Variants in FBXO15 observed in about 807,000 individuals in gnomAD.
FBXO15 encodes the protein F-box only protein 15.
A neutral mutation model predicts 49.5 loss-of-function variants in FBXO15; 30 were observed. The ratio of observed to expected loss-of-function variants is 0.61; its 90% confidence interval spans 0.45 to 0.82. FBXO15 has a LOEUF of 0.82. FBXO15 is among the 40% of genes least tolerant of loss of function. The pLI is 0.00. For missense variants in FBXO15, 591 were observed against 631.5 expected (o/e 0.94, Z 0.69); for synonymous variants, 250 against 232.7 (o/e 1.07, Z -0.68).
chr18:74,078,338 C>CCCT (rs74319983), intron 9 of FBXO15, among the ~76,000 whole-genome samples: 1 of 148,010 alleles, frequency 6.8e-6, no homozygotes, highest in African/African-American at 2.6e-5. Context: ...GGCCCCCCCC[C>CCCT]GACCTGCCCC....
At chr18:74,128,666 A>T (rs1355816967) in intron 5 of FBXO15, among the ~76,000 whole-genome samples, 1 of 152,198 alleles carries the variant, frequency 6.6e-6, no homozygotes, top group East Asian at 1.9e-4. Context: ...TGCATGCCAT[A>T]ATCCAGCTTT....
chr18:74,147,417 G>C, intron 1 of FBXO15: 1 of 986,230 alleles, frequency 1.0e-6, no homozygotes, highest in Non-Finnish European at 1.3e-6. Context: ...GCAGGTGCGC[G>C]CATCCCCGGC....
intron 8 of FBXO15, among the ~76,000 whole-genome samples, chr18:74,102,726 T>C (rs1913578078): frequency 2.0e-5 from 3 of 152,050 alleles, no homozygotes; most frequent in South Asian, 2.1e-4. Flanking sequence ...AATCAACAAA[T>C]GGATAAAGAA....
intron 8 of FBXO15, among the ~76,000 whole-genome samples, chr18:74,107,204 A>AC (rs1568167146): frequency 5.5e-5 from 8 of 145,882 alleles, no homozygotes; most frequent in African/African-American, 2.2e-4. Flanking sequence ...AAAAAAAAAA[A>AC]AAACAACAAA....
intron 5 of FBXO15, among the ~76,000 whole-genome samples, chr18:74,128,087 C>T (rs117034842): frequency 0.011 from 1,672 of 152,118 alleles, 20 homozygotes; most frequent in Middle Eastern, 0.027. Flanking sequence ...AATAAAAGTA[C>T]CATTTTTTAA....
At chr18:74,117,066 TATAC>T in intron 8 of FBXO15, among the ~76,000 whole-genome samples, 1 of 152,284 alleles carries the variant, frequency 6.6e-6, no homozygotes, top group East Asian at 1.9e-4. Flanking sequence ...ATTTACTAAA[TATAC>T]CACATGGTAC....
intron 8 of FBXO15, among the ~76,000 whole-genome samples, chr18:74,088,204 AAAGT>A (rs1208089693): frequency 2.6e-5 from 4 of 152,108 alleles, no homozygotes; most frequent in African/African-American, 9.7e-5. Context: ...GAAGCTCTTT[AAAGT>A]AAGTCCCATT....
At chr18:74,128,481 G>A (rs765786568) in intron 5 of FBXO15, among the ~76,000 whole-genome samples, 6 of 152,162 alleles carry the variant, frequency 3.9e-5, no homozygotes, top group African/African-American at 7.2e-5. Context: ...ACTGCAGCAC[G>A]CAAGGATGGT....
At chr18:74,122,150 G>A (rs112010420) in intron 8 of FBXO15, among the ~76,000 whole-genome samples, 3,743 of 152,048 alleles carry the variant, frequency 0.025, 147 homozygotes, top group African/African-American at 0.083. Context: ...TCCTTCCACC[G>A]ATCACCTACT....
chr18:74,144,734 T>C (rs1053602124), intron 1 of FBXO15, among the ~76,000 whole-genome samples: 1 of 152,206 alleles, frequency 6.6e-6, no homozygotes, highest in Non-Finnish European at 1.5e-5. Context: ...AGCCTTTGTG[T>C]TGATTTTGCA....
chr18:74,079,475 G>C (rs758730932), intron 9 of FBXO15, among the ~76,000 whole-genome samples: 6 of 152,186 alleles, frequency 3.9e-5, no homozygotes, highest in African/African-American at 2.4e-5. Context: ...ACAACAATGA[G>C]AAGGTATGTA....
rs779206379 is a variant in FBXO15, at chr18:74,130,479, G to A, written c.512C>T (p.Ala171Val). Residue 171 changes from alanine to valine, a missense_variant, in exon 4 of 10, where the codon GCT becomes GTT. Ala to Val is a moderately conservative substitution (Grantham distance 64). Coordinates refer to ENST00000419743, the MANE Select transcript of FBXO15 (RefSeq NM_001142958.2). ...AGGGTTGACAGGTTTGAGAATGTCA[G>A]CTAGTGCGGCTTTTACAGATGCTAT... ...KQIASVKAAL[A>V]DILKPVNPYT... is the part of the protein sequence containing the mutation. The A allele has an allele frequency of 6.2e-7, 1 of 1,614,182 alleles. No individual in the cohort carries two copies. Among genetic ancestry groups the A allele is most frequent in the Non-Finnish European group, 8.5e-7 (1 of 1,180,018 alleles).
Position 74,126,092 on chromosome 18 carries a change from C to T in FBXO15, c.795G>A (p.Trp265Ter). Residue 265 changes from tryptophan (W) to a stop codon, truncating the protein, a stop_gained, in exon 6 of 10, where the codon TGG becomes TGA. Coordinates refer to ENST00000419743, the MANE Select transcript of FBXO15 (RefSeq NM_001142958.2). LOFTEE classifies it high-confidence loss of function. ...YKTPTKHRLR[W>*]HSLIAKYNLS... ...GATTGTACTTTGCAATTAAAGAATG[C>T]CATCGGAGTCTTTGAACGTTATGCC... is the stretch of plus-strand genomic sequence containing the variant. 1 of 1,613,454 alleles carries T rather than the reference C, an allele frequency of 6.2e-7. No homozygotes were observed. Among genetic ancestry groups the T allele is most frequent in the Non-Finnish European group, 8.5e-7 (1 of 1,179,634 alleles).
Position 74,073,683 on chromosome 18 carries a change from G to T in FBXO15, c.1311C>A (p.Pro437=). ...DVTLLDEHGK[P]FWCFSSPVCL... is the part of the protein sequence containing the mutation. ...ACACCGGGGAACTGAAACACCAAAA[G>T]GGTTTCCCATGTTCATCCAAAAGAG... The change falls in exon 10 of 10, where the codon CCC becomes CCA. Residue 437 remains proline, a synonymous_variant. Transcript: ENST00000419743. The T allele has an allele frequency of 6.2e-7, 1 of 1,614,082 alleles. No individual in the cohort carries two copies. The highest frequency in any genetic ancestry group is 8.5e-7 in the Non-Finnish European group (1 of 1,180,006).
At chr18:74,078,378 G>T (rs2145098162) in intron 9 of FBXO15, 1 of 130,186 alleles carries the variant, frequency 7.7e-6, no homozygotes, top group Middle Eastern at 4.6e-3. Flanking sequence ...CCCAGTCACT[G>T]TCCCTCCTGT....
chr18:74,108,700 G>A (rs1020871202), intron 8 of FBXO15, among the ~76,000 whole-genome samples: 1 of 152,118 alleles, frequency 6.6e-6, no homozygotes, highest in Non-Finnish European at 1.5e-5. Flanking sequence ...CATAGATACA[G>A]GAAGCTCAGA....
chr18:74,133,788 A>T (rs1001607048), intron 3 of FBXO15, among the ~76,000 whole-genome samples: 9 of 152,184 alleles, frequency 5.9e-5, no homozygotes, highest in African/African-American at 1.9e-4. Context: ...AGAGAGAAAT[A>T]GAGTGAGTGA....
intron 8 of FBXO15, among the ~76,000 whole-genome samples, chr18:74,114,683 CTTT>C (rs1914155274): frequency 6.6e-6 from 1 of 152,168 alleles, no homozygotes; most frequent in Non-Finnish European, 1.5e-5. Flanking sequence ...ATCTAAACTT[CTTT>C]TTAACTTAAT....
intron 1 of FBXO15, among the ~76,000 whole-genome samples, chr18:74,141,539 T>A (rs1170210932): frequency 6.6e-6 from 1 of 152,048 alleles, no homozygotes; most frequent in East Asian, 1.9e-4. Context: ...CCAGGCCAAT[T>A]CCCCAGATAT....
Sources: allele counts gnomAD v4.1 joint callset (sites outside exome capture counted in the v4.1 genomes callset), GRCh38; gene constraint gnomAD v4.1.1; transcripts MANE v1.5; gene names NCBI Gene and HGNC (gene_info 2026-07-23, HGNC 2026-07-21).